IQGAP2: variants seen among roughly 807,000 people sequenced by gnomAD.
IQGAP2 encodes ras GTPase-activating-like protein IQGAP2.
IQGAP2 carries 173 observed loss-of-function variants against 201.3 expected under a neutral mutation model. The observed-to-expected ratio is 0.86, with a 90% CI of 0.76 to 0.98. The LOEUF is 0.98. IQGAP2 is among the 50% of genes least tolerant of loss of function. The probability of loss-of-function intolerance (pLI) is 0.00; values close to 1 mark genes in which losing one functional copy is unlikely to be tolerated. For missense variants in IQGAP2, 1,687 were observed against 1,864.8 expected (o/e 0.90, Z 1.76); for synonymous variants, 675 against 673.9 (o/e 1.00, Z -0.03).
chr5:76,435,965 G>GT (rs59420110), intron 1 of IQGAP2, among the ~76,000 whole-genome samples: 1 of 151,452 alleles, frequency 6.6e-6, no homozygotes, highest in Non-Finnish European at 1.5e-5. Context: ...TTTTGTTTTG[G>GT]TTTTTTTGGC....
At chr5:76,507,902 A>G (rs1000877047) in intron 2 of IQGAP2, among the ~76,000 whole-genome samples, 5 of 150,340 alleles carry the variant, frequency 3.3e-5, no homozygotes, top group African/African-American at 1.2e-4. Flanking sequence ...CTAGCTACTC[A>G]GGAAGCTGAA....
At chr5:76,672,438 C>T (rs1233589107) in intron 24 of IQGAP2, among the ~76,000 whole-genome samples, 1 of 152,098 alleles carries the variant, frequency 6.6e-6, no homozygotes, top group East Asian at 1.9e-4. Flanking sequence ...ATAAAGTGTA[C>T]ACAGAGAATT....
At position 76,641,082 on chromosome 5, in the gene IQGAP2, AG is replaced by A; in HGVS notation, c.2074del (p.Glu692ArgfsTer34). 6.2e-7 allele frequency: 1 copy of A among 1,603,146 alleles called. No individual in the cohort carries two copies. The highest frequency in any genetic ancestry group is 8.5e-7 in the Non-Finnish European group (1 of 1,171,060). The part of the protein sequence containing the change: ...ARKSFLHEQE[E>X]NVVKIQAFWK... ...GAAAATCATTTTTGCATGAACAAGA[AG>A]AGAATGTGGTCAAAATACAGGTATG... On this transcript the variant is annotated frameshift_variant, in exon 17 of 36. Transcript: ENST00000274364. LOFTEE classifies it high-confidence loss of function.
intron 2 of IQGAP2, among the ~76,000 whole-genome samples, chr5:76,536,138 G>A (rs1315935101): frequency 1.5e-5 from 2 of 134,810 alleles, no homozygotes; most frequent in Non-Finnish European, 3.0e-5. Context: ...GCACAATCTC[G>A]GCTCACTGCA....
chr5:76,564,126 C>G (rs1185174649), intron 3 of IQGAP2, among the ~76,000 whole-genome samples: 1 of 152,110 alleles, frequency 6.6e-6, no homozygotes, highest in Non-Finnish European at 1.5e-5. Flanking sequence ...TAATCTTCCA[C>G]AAGACTTTAA....
chr5:76,501,611 C>T (rs557078683), intron 2 of IQGAP2, among the ~76,000 whole-genome samples: 2 of 148,446 alleles, frequency 1.3e-5, no homozygotes, highest in South Asian at 4.3e-4. Context: ...ATGTTCTAAG[C>T]AGCCCTCCTG....
chr5:76,509,237 G>A (rs577547927), intron 2 of IQGAP2, among the ~76,000 whole-genome samples: 4 of 152,268 alleles, frequency 2.6e-5, no homozygotes, highest in African/African-American at 9.6e-5. Flanking sequence ...GCCAATGGGA[G>A]TGTTAGGCAG....
At chr5:76,428,443 T>C (rs1222822800) in intron 1 of IQGAP2, among the ~76,000 whole-genome samples, 2 of 150,524 alleles carry the variant, frequency 1.3e-5, no homozygotes, top group Non-Finnish European at 3.0e-5. Flanking sequence ...TTTTCTTTTT[T>C]TTTTTTTTTT....
intron 5 of IQGAP2, among the ~76,000 whole-genome samples, chr5:76,578,895 A>G (rs1482727362): frequency 1.4e-5 from 2 of 140,272 alleles, no homozygotes; most frequent in Non-Finnish European, 3.1e-5. Context: ...CTTACTAACT[A>G]GTTACTATAC....
At chr5:76,554,454 CTT>C (rs1329744642) in intron 2 of IQGAP2, among the ~76,000 whole-genome samples, 14 of 152,096 alleles carry the variant, frequency 9.2e-5, no homozygotes, top group Admixed American at 9.2e-4. Context: ...GTAAGGAACT[CTT>C]ATAACTCAAA....
intron 16 of IQGAP2, among the ~76,000 whole-genome samples, chr5:76,640,563 T>C (rs1462692046): frequency 1.3e-5 from 2 of 152,180 alleles, no homozygotes; most frequent in African/African-American, 4.8e-5. Context: ...GTCTTTTCCT[T>C]GGCAGTCCGA....
intron 2 of IQGAP2, among the ~76,000 whole-genome samples, chr5:76,495,888 C>T (rs1448493622): frequency 1.3e-5 from 2 of 152,192 alleles, no homozygotes; most frequent in South Asian, 2.1e-4. Context: ...ATCCAATCAC[C>T]TCCCACCAGG....
chr5:76,561,052 C>T (rs1744329310), intron 2 of IQGAP2, among the ~76,000 whole-genome samples: 1 of 152,140 alleles, frequency 6.6e-6, no homozygotes. Flanking sequence ...TCTTATTGTA[C>T]TGCACTTACC....
At chr5:76,423,189 G>A (rs1367793712) in intron 1 of IQGAP2, among the ~76,000 whole-genome samples, 3 of 152,298 alleles carry the variant, frequency 2.0e-5, no homozygotes, top group East Asian at 1.9e-4. Flanking sequence ...GGAAAAAGAA[G>A]AATTTTAGAC....
chr5:76,641,797 A>G (rs1751610863), intron 17 of IQGAP2, among the ~76,000 whole-genome samples: 1 of 152,158 alleles, frequency 6.6e-6, no homozygotes, highest in Non-Finnish European at 1.5e-5. Context: ...AACAACTGGT[A>G]AAGTCTGATG....
chr5:76,578,833 G>C (rs939729399), intron 5 of IQGAP2, among the ~76,000 whole-genome samples: 1 of 145,974 alleles, frequency 6.9e-6, no homozygotes. Context: ...GGCTTCTTTT[G>C]GAATGTTATA....
intron 2 of IQGAP2, among the ~76,000 whole-genome samples, chr5:76,468,636 C>T (rs529662782): frequency 6.6e-6 from 1 of 152,270 alleles, no homozygotes; most frequent in East Asian, 1.9e-4. Context: ...GTCTTATAGT[C>T]AGATAAATCT....
intron 1 of IQGAP2, chr5:76,404,654 T>G (rs1750697511): frequency 5.3e-6 from 1 of 187,974 alleles, no homozygotes; most frequent in South Asian, 1.8e-4. Context: ...CCTCAACTTG[T>G]GTAGGTTCTT....
chr5:76,627,669 C>T (rs2431354), intron 14 of IQGAP2, among the ~76,000 whole-genome samples, 169 bp downstream of exon 14: 84,857 of 152,074 alleles, frequency 0.56, 23,758 homozygotes, highest in South Asian at 0.61. Context: ...AGTGATTTGA[C>T]TCTATCTCCA....
Sources: gnomAD v4.1 joint callset for allele counts (sites outside exome capture counted in the v4.1 genomes callset) on GRCh38, gnomAD v4.1.1 for gene constraint, MANE v1.5 for transcripts, NCBI Gene and HGNC (gene_info 2026-07-23, HGNC 2026-07-21) for gene names.